The following BTN3A3 variants were observed in gnomAD, a reference collection of about 807,000 sequenced individuals.
BTN3A3 encodes butyrophilin 3.
Under a neutral mutation model 43.2 loss-of-function variants are expected in BTN3A3, and 39 were observed. The ratio of observed to expected loss-of-function variants is 0.90; its 90% CI spans 0.70 to 1.18. The LOEUF (loss-of-function observed/expected upper bound fraction) is 1.18, where lower values mean the gene tolerates loss of function less well. BTN3A3 is among the 50% of genes most tolerant of loss of function. The pLI, the probability that BTN3A3 is intolerant of heterozygous loss-of-function variation, is 0.00. For synonymous variants in BTN3A3, 255 were observed against 272.7 expected, an observed-to-expected ratio of 0.93 and a Z score of 0.64; for missense variants, 631 against 722.8, an observed-to-expected ratio of 0.87 and a Z score of 1.46.
chr6:26,451,510 T>A (rs1280897864), intron 10 of BTN3A3, among the ~76,000 whole-genome samples, 165 bp from the exon 11 acceptor site: 1 of 152,162 alleles, frequency 6.6e-6, no homozygotes, highest in Non-Finnish European at 1.5e-5. Context: ...ACAAGACCCC[T>A]TGAGCTTTCT....
Position 26,445,874 on chromosome 6 carries a change from T to A in BTN3A3, c.604T>A (p.Tyr202Asn), listed in dbSNP as rs1437414480. The A allele has an allele frequency of 1.9e-6, 3 of 1,614,066 alleles. No homozygotes were observed. The highest frequency in any genetic ancestry group is 2.5e-6 in the Non-Finnish European group (3 of 1,180,052). ...TGTGGTTGCAGATGGAGTGGGCCTG[T>A]ATGCAGTAGCAGCATCTGTGATCAT... ...APVVADGVGL[Y>N]AVAASVIMRG... The change falls in exon 5 of 11, where the codon TAT (tyrosine) becomes AAT (asparagine). Residue 202 changes from tyrosine to asparagine, a missense_variant. Tyr to Asn is a moderately radical substitution (Grantham distance 143). Coordinates refer to ENST00000244519, the MANE Select transcript of BTN3A3 (RefSeq NM_006994.5).
chr6:26,445,648 A>C (rs533187351), intron 4 of BTN3A3, 56 bp from the exon 5 acceptor site: 1 of 1,569,522 alleles, frequency 6.4e-7, no homozygotes, highest in Non-Finnish European at 8.7e-7. Flanking sequence ...ATTCCCATTG[A>C]GACCCTCCCT....
At position 26,443,566 on chromosome 6, in the gene BTN3A3, G is replaced by A; in HGVS notation, c.-5-4G>A. 1.9e-6 allele frequency: 3 copies of A among 1,614,046 alleles called. No individual in the cohort carries two copies. In the South Asian group the frequency reaches 3.3e-5, roughly 18 times the overall value. Reference sequence around the variant, plus strand: ...CACACCTTCTGGTATCTCTTGATATGCAGCATAGATGAAAATGGCAAGTTC... The same window carrying A: ...CACACCTTCTGGTATCTCTTGATATACAGCATAGATGAAAATGGCAAGTTC... On this transcript the variant is annotated splice_region_variant and splice_polypyrimidine_tract_variant and intron_variant, in intron 2 of 10. Transcript: ENST00000244519.
chr6:26,444,333 A>G (rs1173597788), intron 4 of BTN3A3, 29 bp downstream of exon 4: 2 of 1,612,006 alleles, frequency 1.2e-6, no homozygotes, highest in Non-Finnish European at 1.7e-6. Flanking sequence ...TTCTGAGAAC[A>G]CTTCTCTGTA....
intron 5 of BTN3A3, 43 bp from the exon 6 acceptor site, chr6:26,448,205 T>C: frequency 6.2e-7 from 1 of 1,600,652 alleles, no homozygotes; most frequent in Non-Finnish European, 8.5e-7. Context: ...CTGGGGAGGC[T>C]GAGTGCACTA....
rs771641382 is a variant in BTN3A3, at chr6:26,451,695, G to A, written c.1039G>A (p.Asp347Asn). 6.2e-7 allele frequency: 1 copy of A among 1,613,062 alleles called. No homozygotes were observed. Among genetic ancestry groups the A allele is most frequent in the South Asian group, 1.1e-5 (1 of 91,016 alleles). ...FKPADVILDP[D>N]TANAILLVSE... ...TGCAGCGGATGTGATTCTGGATCCA[G>A]ACACGGCAAACGCCATCCTCCTTGT... Residue 347 changes from aspartate to asparagine, a missense_variant, in exon 11 of 11, where the codon GAC (aspartate) becomes AAC (asparagine). Physicochemically the swap from Asp to Asn is conservative, Grantham distance 23 (BLOSUM62 1). This residue lies in a region of BTN3A3 where 551 missense variants were observed against 584.0 expected (regional missense o/e 0.94). Coordinates refer to ENST00000244519, the MANE Select transcript of BTN3A3 (RefSeq NM_006994.5).
chr6:26,445,597 A>G (rs1762754479), intron 4 of BTN3A3, 107 bp from the exon 5 acceptor site: 1 of 1,376,054 alleles, frequency 7.3e-7, no homozygotes, highest in Non-Finnish European at 9.9e-7. Context: ...TAGCTCCTGA[A>G]TGAAATCTTC....
At chr6:26,449,359 C>T in intron 8 of BTN3A3, 1 of 373,236 alleles carries the variant, frequency 2.7e-6, no homozygotes, top group Non-Finnish European at 4.8e-6. Flanking sequence ...CCTAGACATA[C>T]ACATATAGAC....
At chr6:26,445,298 G>T in intron 4 of BTN3A3, 1 of 201,488 alleles carries the variant, frequency 5.0e-6, no homozygotes, top group Non-Finnish European at 1.0e-5. Flanking sequence ...GGTTTAAGGG[G>T]AGCTGTAGCA....
At chr6:26,442,592 T>C (rs1274543901) in intron 1 of BTN3A3, among the ~76,000 whole-genome samples, 1 of 152,210 alleles carries the variant, frequency 6.6e-6, no homozygotes, top group Non-Finnish European at 1.5e-5. Context: ...CCTGCTGCAT[T>C]GAATTCCCTC....
intron 10 of BTN3A3, among the ~76,000 whole-genome samples, chr6:26,451,213 T>C (rs986994621): frequency 6.6e-6 from 1 of 152,208 alleles, no homozygotes; most frequent in Non-Finnish European, 1.5e-5. Flanking sequence ...AGAGTCATAT[T>C]TTTATCCCCA....
Position 26,451,730 on chromosome 6 carries a change from C to A in BTN3A3, c.1074C>A (p.Asp358Glu). 1 of 1,614,112 alleles carries A rather than the reference C, an allele frequency of 6.2e-7. No individual in the cohort carries two copies. Among genetic ancestry groups the A allele is most frequent in the Non-Finnish European group, 8.5e-7 (1 of 1,180,016 alleles). Residue 358 changes from aspartate to glutamate, a missense_variant, in exon 11 of 11, where the codon GAC becomes GAA. Transcript: ENST00000244519. Reference protein sequence around the residue: ...TANAILLVSEDQRSVQRAEEP... With the variant: ...TANAILLVSEEQRSVQRAEEP... ...ACGCCATCCTCCTTGTTTCTGAGGACCAGAGGAGTGTGCAGCGTGCTGAAG... is the reference window on the plus strand; with the variant it reads ...ACGCCATCCTCCTTGTTTCTGAGGAACAGAGGAGTGTGCAGCGTGCTGAAG...
In BTN3A3 at chr6:26,443,526, C is replaced by G. The variant is rs376649355; in HGVS notation, c.-5-44C>G. 6 of 1,610,924 alleles carry G rather than the reference C, an allele frequency of 3.7e-6. No homozygotes were observed. In the African/African-American group the frequency reaches 8.0e-5, roughly 22 times the overall value. On this transcript the variant is annotated intron_variant, in intron 2 of 10. Coordinates refer to ENST00000244519, the MANE Select transcript of BTN3A3 (RefSeq NM_006994.5). ...GCAGAAGCCTAAAGCTTCTTCCAGG[C>G]CATAGTGTCTGTCCCACACCTTCTG...
intron 1 of BTN3A3, among the ~76,000 whole-genome samples, chr6:26,441,508 G>A (rs182898655): frequency 1.6e-4 from 22 of 136,512 alleles, no homozygotes; most frequent in African/African-American, 5.7e-4. Flanking sequence ...TTTTTTTTTT[G>A]CCTCAACAAT....
Position 26,451,735 on chromosome 6 carries a change from G to A in BTN3A3, c.1079G>A (p.Arg360Lys), listed in dbSNP as rs749610159. The stretch of plus-strand genomic sequence containing the variant: ...ATCCTCCTTGTTTCTGAGGACCAGA[G>A]GAGTGTGCAGCGTGCTGAAGAGCCG... Reference protein sequence around the residue: ...NAILLVSEDQRSVQRAEEPRD... With the variant: ...NAILLVSEDQKSVQRAEEPRD... The change falls in exon 11 of 11, where the codon AGG (arginine) becomes AAG (lysine). Residue 360 changes from arginine (R) to lysine (K), a missense_variant. Arg to Lys is a conservative substitution (Grantham distance 26). Transcript: ENST00000244519. 1.2e-6 allele frequency: 2 copies of A among 1,614,200 alleles called. No homozygotes were observed. Among genetic ancestry groups the A allele is most frequent in the Admixed American group, 3.3e-5 (2 of 60,026 alleles).
At chr6:26,449,869 C>G (rs1214153476) in intron 9 of BTN3A3, among the ~76,000 whole-genome samples, 181 bp downstream of exon 9, 4 of 152,176 alleles carry the variant, frequency 2.6e-5, no homozygotes, top group African/African-American at 7.2e-5. Context: ...ACTCCTGACC[C>G]TGCACATGCC....
Position 26,448,394 on chromosome 6 carries a change from C to G in BTN3A3, c.862C>G (p.Arg288Gly). 1.9e-6 allele frequency: 3 copies of G among 1,613,638 alleles called. No homozygotes were observed. The highest frequency in any genetic ancestry group is 2.5e-6 in the Non-Finnish European group (3 of 1,179,920). The change falls in exon 6 of 11, where the codon CGA (arginine) becomes GGA (glycine). Residue 288 changes from arginine (R) to glycine (G), a missense_variant. Arg to Gly is a moderately radical substitution (Grantham distance 125, BLOSUM62 -2). Transcript: ENST00000244519. ...TCTGTCCAGGGAGACAGAAAGAGAG[C>G]GAGAGATGAAAGAAATGGGATACGC... ...IALSRETEREREMKEMGYAAT... is the reference protein window; with the variant it reads ...IALSRETEREGEMKEMGYAAT...
chr6:26,444,634 G>A (rs3846844), intron 4 of BTN3A3: 78,934 of 467,538 alleles, frequency 0.17, 7,177 homozygotes, highest in South Asian at 0.22. Context: ...TGTAACAGAC[G>A]GCTTCTGTTG....
chr6:26,446,046 A>ATGTGTGAGTCTCTAC (rs1206978629), intron 5 of BTN3A3, 61 bp downstream of exon 5: 1 of 1,597,658 alleles, frequency 6.3e-7, no homozygotes, highest in Non-Finnish European at 8.5e-7. Flanking sequence ...ATGAAGGGGG[A>ATGTGTGAGTCTCTAC]TGTGTGAGTC....
Sources: allele counts gnomAD v4.1 joint callset (sites outside exome capture counted in the v4.1 genomes callset), GRCh38; gene constraint gnomAD v4.1.1; regional missense constraint gnomAD v4.1.1; transcripts MANE v1.5; gene names NCBI Gene and HGNC (gene_info 2026-07-23, HGNC 2026-07-21).